The following BNIP5 variants were observed in gnomAD, a reference collection of about 807,000 sequenced individuals.
BNIP5 encodes the protein BCL2 interacting protein 5.
BNIP5 carries 61 observed loss-of-function variants against 67.3 expected under a neutral mutation model. The observed-to-expected ratio is 0.91, with a 90% CI of 0.74 to 1.12. BNIP5 has a LOEUF of 1.12. Among genes scored for constraint, BNIP5 ranks in the 50% most tolerant of loss-of-function variants. The probability of loss-of-function intolerance (pLI) is 0.00; values close to 1 mark genes in which losing one functional copy is unlikely to be tolerated. For synonymous variants in BNIP5, 317 were observed against 319.0 expected, an observed-to-expected ratio of 0.99 and a Z score of 0.07; for missense variants, 826 against 816.3, an observed-to-expected ratio of 1.01 and a Z score of -0.14.
At chr6:36,323,954 C>T (rs1392554299) in intron 7 of BNIP5, among the ~76,000 whole-genome samples, 175 bp downstream of exon 7, 1 of 148,578 alleles carries the variant, frequency 6.7e-6, no homozygotes, top group Non-Finnish European at 1.5e-5. Context: ...GGGCCATGAT[C>T]GAGCCACTGT....
intron 10 of BNIP5, among the ~76,000 whole-genome samples, chr6:36,320,769 C>T (rs532281948): frequency 2.0e-4 from 30 of 152,224 alleles, no homozygotes; most frequent in African/African-American, 6.0e-4. Context: ...AGAGTGAACC[C>T]GGAGACCACA....
chr6:36,331,059 C>T lies in BNIP5; in HGVS notation c.-4-365G>A, dbSNP rs192932029. Among the ~76,000 whole-genome samples the T allele has an allele frequency of 1.8e-4, 28 of 152,312 alleles. 1 individual carries two copies. In the East Asian group the frequency reaches 4.8e-3, roughly 26 times the overall value. ...GATTACAGGCATGAGCCACCTCGCC[C>T]GGCCAAACAGCTCCCTCAGCAGAGG... On this transcript the variant is annotated intron_variant, in intron 1 of 11. Coordinates refer to ENST00000437635, the MANE Select transcript of BNIP5 (RefSeq NM_001010903.5).
chr6:36,324,123 C>T lies in BNIP5; in HGVS notation c.1230+6G>A, dbSNP rs1455210254. ...GTCAGGGTTACATGGGGAGCGTCTT[C>T]CTCACCTCCTCTCCTTGCTGTTCTT... On this transcript the variant is annotated splice_donor_region_variant and intron_variant, in intron 7 of 11. Coordinates refer to ENST00000437635, the MANE Select transcript of BNIP5 (RefSeq NM_001010903.5). 3.1e-6 allele frequency: 5 copies of T among 1,612,294 alleles called. No homozygotes were observed. Among genetic ancestry groups the T allele is most frequent in the Non-Finnish European group, 4.2e-6 (5 of 1,178,494 alleles).
rs768990727 is a variant in BNIP5 at position 36,330,684 on chromosome 6, T to C, written c.7A>G (p.Asn3Asp). The C allele has an allele frequency of 1.9e-6, 3 of 1,568,926 alleles. No homozygotes were observed. The Admixed American group carries it at 5.6e-5, about 30-fold the overall frequency. ME[N>D]PRCPRRPLAE... ...AGGGGCCTCCTTGGGCACCTTGGAT[T>C]CTCCATCGGGCTGCAACCAAAACAC... The change falls in exon 2 of 12, where the codon AAT (asparagine) becomes GAT (aspartate). Residue 3 changes from asparagine to aspartate, a missense_variant. By Grantham distance (23) the Asn-to-Asp change is conservative. Coordinates refer to ENST00000437635, the MANE Select transcript of BNIP5 (RefSeq NM_001010903.5).
Position 36,330,408 on chromosome 6 carries a change from T to C in BNIP5, c.283A>G (p.Thr95Ala), listed in dbSNP as rs1395394639. The C allele has an allele frequency of 6.2e-7, 1 of 1,614,142 alleles. No homozygotes were observed. Among genetic ancestry groups the C allele is most frequent in the Admixed American group, 1.7e-5 (1 of 60,028 alleles). The stretch of plus-strand genomic sequence containing the variant: ...ATGGTCTTCAGCCACCCCTTCTTGG[T>C]GTCTTGCGAAGGCCTCTGCTCGCTG... Reference protein sequence around the residue: ...LPSEQRPSQDTKKGWLKTMLN... With the variant: ...LPSEQRPSQDAKKGWLKTMLN... Residue 95 changes from threonine (T) to alanine (A), a missense_variant, in exon 2 of 12, where the codon ACC becomes GCC. By Grantham distance (58) the Thr-to-Ala change is moderately conservative (BLOSUM62 0). Coordinates refer to ENST00000437635, the MANE Select transcript of BNIP5 (RefSeq NM_001010903.5).
At chr6:36,325,190 C>G (rs1371667391) in intron 6 of BNIP5, 93 bp downstream of exon 6, 2 of 1,405,996 alleles carry the variant, frequency 1.4e-6, no homozygotes, top group East Asian at 4.6e-5. Context: ...GGACAGGTCA[C>G]TGCCTCTCTC....
chr6:36,318,969 T>G (rs1771575710), intron 11 of BNIP5, among the ~76,000 whole-genome samples: 1 of 152,146 alleles, frequency 6.6e-6, no homozygotes, highest in Non-Finnish European at 1.5e-5. Flanking sequence ...AACCTTACTT[T>G]GTTATTTACA....
intron 8 of BNIP5, 32 bp downstream of exon 8, chr6:36,323,261 T>A: frequency 6.2e-7 from 1 of 1,612,964 alleles, no homozygotes; most frequent in Non-Finnish European, 8.5e-7. Flanking sequence ...AGAGGAAGCC[T>A]CTGTTACCAT....
chr6:36,332,684 C>T (rs1358500857), intron 1 of BNIP5, among the ~76,000 whole-genome samples: 6 of 151,488 alleles, frequency 4.0e-5, no homozygotes, highest in Non-Finnish European at 5.9e-5. Context: ...AATGAAGCAG[C>T]GGCCAATGAA....
rs1301430324 is a variant in BNIP5, at chr6:36,319,540, G to C, written c.1739C>G (p.Ala580Gly). Reference protein sequence around the residue: ...FSDSSLSKLVATLRSQVAHSS... With the variant: ...FSDSSLSKLVGTLRSQVAHSS... ...GTGAGCCACCTGGCTGCGCAGGGTG[G>C]CTACCAGCTTGCTGAGGGAGGAGTC... The change falls in exon 11 of 12, where the codon GCC (alanine) becomes GGC (glycine). Residue 580 changes from alanine to glycine, a missense_variant. Transcript: ENST00000437635. 4 of 1,614,046 alleles carry C rather than the reference G, an allele frequency of 2.5e-6. No individual in the cohort carries two copies. In the East Asian group the frequency reaches 8.9e-5, roughly 36 times the overall value.
At chr6:36,334,197 C>A (rs147119998) in intron 1 of BNIP5, among the ~76,000 whole-genome samples, 3 of 152,190 alleles carry the variant, frequency 2.0e-5, no homozygotes, top group Admixed American at 6.5e-5. Flanking sequence ...AGGAAAGCTG[C>A]GGTGATTTGG....
At position 36,326,827 on chromosome 6, in the gene BNIP5, G is replaced by C. The variant is rs532174625; in HGVS notation, c.793-74C>G. On this transcript the variant is annotated intron_variant, in intron 4 of 11. Coordinates refer to ENST00000437635, the MANE Select transcript of BNIP5 (RefSeq NM_001010903.5). ...GGAAAGCTCTCTGGAGGCAAGTGAA[G>C]AGCAGCCAAGCTGCAAGATGGCCCC... The C allele has an allele frequency of 4.6e-5, 74 of 1,595,106 alleles. No individual in the cohort carries two copies. In the African/African-American group the frequency reaches 9.2e-4, roughly 20 times the overall value.
At chr6:36,332,727 C>G (rs1011359839) in intron 1 of BNIP5, among the ~76,000 whole-genome samples, 1 of 152,088 alleles carries the variant, frequency 6.6e-6, no homozygotes. Context: ...CCCACCTGGG[C>G]AGCATTTCAA....
chr6:36,325,430 A>T lies in BNIP5; in HGVS notation c.1037-16T>A. 1 of 1,602,814 alleles carries T rather than the reference A, an allele frequency of 6.2e-7. No homozygotes were observed. The highest frequency in any genetic ancestry group is 8.5e-7 in the Non-Finnish European group (1 of 1,175,300). On this transcript the variant is annotated splice_polypyrimidine_tract_variant and intron_variant, in intron 5 of 11. Coordinates refer to ENST00000437635, the MANE Select transcript of BNIP5 (RefSeq NM_001010903.5). ...TCTTCCAAGCCTGAGAAGCAGAAGGAGAACGAGGGTGTGTTTTGTCTGTCT... is the reference window on the plus strand; with the variant it reads ...TCTTCCAAGCCTGAGAAGCAGAAGGTGAACGAGGGTGTGTTTTGTCTGTCT...
chr6:36,328,839 G>A, intron 2 of BNIP5, 125 bp from the exon 3 acceptor site: 1 of 708,574 alleles, frequency 1.4e-6, no homozygotes, highest in South Asian at 1.7e-5. Flanking sequence ...AGGTGCTGCT[G>A]CAGCCCGCTC....
At chr6:36,327,117 G>A (rs753913398) in intron 3 of BNIP5, 23 bp from the exon 4 acceptor site, 21 of 1,605,680 alleles carry the variant, frequency 1.3e-5, no homozygotes, top group Middle Eastern at 1.6e-4. Flanking sequence ...AAATGCATCC[G>A]GTTATTCTTT....
intron 5 of BNIP5, among the ~76,000 whole-genome samples, 173 bp from the exon 6 acceptor site, chr6:36,325,587 G>A (rs369646921): frequency 2.6e-5 from 4 of 152,194 alleles, no homozygotes; most frequent in Non-Finnish European, 4.4e-5. Flanking sequence ...GGCCCAGACC[G>A]AGTTCCCTTA....
chr6:36,320,849 G>T (rs569691713), intron 10 of BNIP5, among the ~76,000 whole-genome samples: 1 of 152,316 alleles, frequency 6.6e-6, no homozygotes, highest in East Asian at 1.9e-4. Context: ...TTCCAAGGAC[G>T]GGGGACATGA....
rs1053684854 is a variant in BNIP5 at position 36,330,833 on chromosome 6, A to G, written c.-4-139T>C. 30 of 1,119,182 alleles carry G rather than the reference A, an allele frequency of 2.7e-5. No homozygotes were observed. The East Asian group carries it at 6.9e-4, about 26-fold the overall frequency. The allele number at this position is 1,119,182 out of a possible 1,614,324, so 69.3% of individuals were successfully genotyped here. ...GGCTGGAGTGCAGTGGCGCTATCTC[A>G]GCTCACTGCAACCTCTACCTCCTGG... On this transcript the variant is annotated intron_variant, in intron 1 of 11. Transcript: ENST00000437635.
Sources: gnomAD v4.1 joint callset for allele counts (sites outside exome capture counted in the v4.1 genomes callset) on GRCh38, gnomAD v4.1.1 for gene constraint, MANE v1.5 for transcripts, NCBI Gene and HGNC (gene_info 2026-07-23, HGNC 2026-07-21) for gene names.